Variants in ADGRV1 observed in about 807,000 individuals in gnomAD.
ADGRV1 encodes the protein adhesion G protein-coupled receptor V1, also known as G-protein coupled receptor 98.
ADGRV1 carries 359 observed loss-of-function variants against 596.2 expected under a neutral mutation model. The observed-to-expected ratio is 0.60, with a 90% CI of 0.55 to 0.66. The LOEUF (loss-of-function observed/expected upper bound fraction) is 0.66. Ranked by LOEUF, ADGRV1 falls within the 30% of genes least tolerant of loss-of-function variation. The pLI, the probability that ADGRV1 is intolerant of heterozygous loss-of-function variation, is 0.00. For missense variants in ADGRV1, 7,274 were observed against 7,575.6 expected (o/e 0.96, Z 1.48); for synonymous variants, 2,681 against 2,679.2 (o/e 1.00, Z -0.02).
At chr5:90,970,995 T>C (rs572986163) in intron 84 of ADGRV1, among the ~76,000 whole-genome samples, 85 of 152,150 alleles carry the variant, frequency 5.6e-4, no homozygotes, top group African/African-American at 1.9e-3. Context: ...ATAACCAGTG[T>C]AGAGAAGTCC....
At chr5:91,021,944 T>C (rs778901439) in intron 85 of ADGRV1, among the ~76,000 whole-genome samples, 35 of 152,050 alleles carry the variant, frequency 2.3e-4, no homozygotes, top group Non-Finnish European at 3.7e-4. Context: ...TGTAACTGAT[T>C]GCCTACCTGT....
At chr5:91,079,503 A>G (rs940797646) in intron 86 of ADGRV1, among the ~76,000 whole-genome samples, 1 of 152,216 alleles carries the variant, frequency 6.6e-6, no homozygotes, top group Non-Finnish European at 1.5e-5. Context: ...GAAAACACTT[A>G]GGATTTGATA....
chr5:91,047,027 C>T (rs1245523779), intron 85 of ADGRV1, among the ~76,000 whole-genome samples: 2 of 151,958 alleles, frequency 1.3e-5, no homozygotes. Context: ...TAGATACCGG[C>T]GTGGATGCAG....
chr5:91,004,167 A>C (rs1328026054), intron 85 of ADGRV1, among the ~76,000 whole-genome samples: 1 of 152,214 alleles, frequency 6.6e-6, no homozygotes, highest in Non-Finnish European at 1.5e-5. Context: ...AAGACTTCCA[A>C]CTATCAGATA....
intron 50 of ADGRV1, among the ~76,000 whole-genome samples, chr5:90,743,701 G>A (rs960255202): frequency 1.3e-5 from 2 of 151,916 alleles, no homozygotes; most frequent in Admixed American, 6.6e-5. Context: ...TCGATCTCCC[G>A]ACCTCGTGAT....
rs1372667745 is a variant in ADGRV1, at chr5:90,994,534, T to G, written c.18152+9012T>G. 2.6e-5 allele frequency among the ~76,000 whole-genome samples: 4 copies of G among 152,354 alleles called. No homozygotes were observed. The East Asian group carries it at 7.7e-4, about 29-fold the overall frequency. ...AAAATAGCTAATTTAAAGTATTTGT[T>G]CAGTAAATCTAACATCTGGGTTGCC... is the stretch of plus-strand genomic sequence containing the variant. On this transcript the variant is annotated intron_variant, in intron 85 of 89. Coordinates refer to ENST00000405460, the MANE Select transcript of ADGRV1 (RefSeq NM_032119.4).
chr5:91,071,495 G>A (rs1238115518), intron 85 of ADGRV1, among the ~76,000 whole-genome samples: 2 of 152,010 alleles, frequency 1.3e-5, no homozygotes, highest in African/African-American at 2.4e-5. Flanking sequence ...CCATATGTCT[G>A]TGTATCTGTG....
At position 90,763,410 on chromosome 5, in the gene ADGRV1, A is replaced by C; in HGVS notation, c.12226A>C (p.Ile4076Leu). 6.2e-7 allele frequency: 1 copy of C among 1,613,808 alleles called. No homozygotes were observed. Among genetic ancestry groups the C allele is most frequent in the East Asian group, 2.2e-5 (1 of 44,872 alleles). The change falls in exon 59 of 90, where the codon ATA (isoleucine) becomes CTA (leucine). Residue 4076 changes from isoleucine to leucine, a missense_variant. Ile to Leu is a conservative substitution (Grantham distance 5). Around this residue, in one of 5 missense-constraint regions of ADGRV1, gnomAD observed 3,643 missense variants for 3,809.2 expected, o/e 0.96. Coordinates refer to ENST00000405460, the MANE Select transcript of ADGRV1 (RefSeq NM_032119.4). Reference protein sequence around the residue: ...GKGTVRLEWTIDEKAKHNLSP... With the variant: ...GKGTVRLEWTLDEKAKHNLSP... ...AGGAACCGTCCGACTTGAGTGGACC[A>C]TAGATGAGAAGGCTAAACATAACCT...
At chr5:90,688,184 G>T (rs1485075246) in intron 29 of ADGRV1, among the ~76,000 whole-genome samples, 1 of 152,084 alleles carries the variant, frequency 6.6e-6, no homozygotes, top group Non-Finnish European at 1.5e-5. Context: ...CATGGTACTG[G>T]TACCAAAACA....
chr5:90,638,139 C>A (rs1766477496), intron 11 of ADGRV1, among the ~76,000 whole-genome samples, 191 bp downstream of exon 11: 1 of 150,732 alleles, frequency 6.6e-6, no homozygotes, highest in South Asian at 2.1e-4. Flanking sequence ...ATAATTATAT[C>A]TTTCAGTGAA....
chr5:90,919,792 C>T (rs1008295589), intron 83 of ADGRV1, among the ~76,000 whole-genome samples: 7 of 151,802 alleles, frequency 4.6e-5, no homozygotes, highest in African/African-American at 1.5e-4. Flanking sequence ...GTCAGGAGTT[C>T]GAGACCAGCC....
chr5:90,911,773 A>G (rs999088391), intron 83 of ADGRV1, among the ~76,000 whole-genome samples: 4 of 152,140 alleles, frequency 2.6e-5, no homozygotes, highest in Non-Finnish European at 4.4e-5. Context: ...TTAGAAGATT[A>G]TAAGCTTTTG....
chr5:90,726,944 A>G (rs970616740), intron 48 of ADGRV1, among the ~76,000 whole-genome samples: 22 of 152,196 alleles, frequency 1.4e-4, no homozygotes, highest in Non-Finnish European at 2.4e-4. Flanking sequence ...TTTTTGGTAC[A>G]TAATATTTAA....
rs893794797 is a variant in ADGRV1, at chr5:90,585,258, G to A, written c.22+26341G>A. 2.5e-5 allele frequency among the ~76,000 whole-genome samples: 3 copies of A among 119,480 alleles called. No homozygotes were observed. The South Asian group carries it at 6.6e-4, about 26-fold the overall frequency. 78.4% of individuals were successfully genotyped at this position (119,480 alleles called of 152,430 possible). ...AAATTCAAGGGTAAAATCTGAGAGAGAATTTTCTGAGGAGAATTTTCTGAG... is the reference window on the plus strand; with the variant it reads ...AAATTCAAGGGTAAAATCTGAGAGAAAATTTTCTGAGGAGAATTTTCTGAG... On this transcript the variant is annotated intron_variant, in intron 1 of 89. Transcript: ENST00000405460.
chr5:90,890,437 G>A (rs4916825), intron 83 of ADGRV1, among the ~76,000 whole-genome samples: 27,149 of 151,972 alleles, frequency 0.18, 3,681 homozygotes, highest in African/African-American at 0.36. Flanking sequence ...TGGATTGCTT[G>A]GGTTTGTAGT....
chr5:90,839,380 A>G (rs1448675347), intron 77 of ADGRV1, among the ~76,000 whole-genome samples: 2 of 151,910 alleles, frequency 1.3e-5, no homozygotes, highest in Non-Finnish European at 2.9e-5. Context: ...ATGCCCGGCT[A>G]ATTTTTTGTA....
intron 50 of ADGRV1, among the ~76,000 whole-genome samples, chr5:90,742,810 C>T (rs1307085409): frequency 6.6e-6 from 1 of 151,992 alleles, no homozygotes; most frequent in Admixed American, 6.6e-5. Context: ...CAAGTAAAAC[C>T]ACGGGGGTTG....
intron 65 of ADGRV1, 129 bp from the exon 66 acceptor site, chr5:90,782,995 A>G: frequency 1.4e-6 from 1 of 719,338 alleles, no homozygotes. Flanking sequence ...TTAAAATGAT[A>G]AAAGAACTAT....
At chr5:90,681,654 G>A (rs1744946604) in intron 27 of ADGRV1, among the ~76,000 whole-genome samples, 200 bp downstream of exon 27, 1 of 152,130 alleles carries the variant, frequency 6.6e-6, no homozygotes, top group South Asian at 2.1e-4. Flanking sequence ...TGGAGTCATT[G>A]TTTAATTCTG....
Sources: gnomAD v4.1 joint callset for allele counts (sites outside exome capture counted in the v4.1 genomes callset) on GRCh38, gnomAD v4.1.1 for gene constraint, gnomAD v4.1.1 regional missense constraint, MANE v1.5 for transcripts, NCBI Gene and HGNC (gene_info 2026-07-23, HGNC 2026-07-21) for gene names.